The following SH3GL1 variants were observed in gnomAD, a reference collection of about 807,000 sequenced individuals.
The protein encoded by SH3GL1 is SH3 domain containing GRB2 like 1, endophilin A2.
A neutral mutation model predicts 48.8 loss-of-function variants in SH3GL1; 21 were observed. The ratio of observed to expected loss-of-function variants is 0.43; its 90% CI spans 0.30 to 0.62. SH3GL1 has a LOEUF of 0.62. Among genes scored for constraint, SH3GL1 ranks in the 20% least tolerant of loss-of-function variants. The pLI, the probability that SH3GL1 is intolerant of heterozygous loss-of-function variation, is 0.11. For synonymous variants in SH3GL1, 282 were observed against 217.5 expected, an observed-to-expected ratio of 1.30 and a Z score of -2.61; for missense variants, 454 against 503.0, an observed-to-expected ratio of 0.90 and a Z score of 0.93.
At chr19:4,384,241 G>C (rs1243923665) in intron 1 of SH3GL1, among the ~76,000 whole-genome samples, 1 of 152,180 alleles carries the variant, frequency 6.6e-6, no homozygotes, top group Non-Finnish European at 1.5e-5. Context: ...TGGCGCAGGA[G>C]CCCCCCAGTT....
Position 4,400,316 on chromosome 19 carries a change from G to C in SH3GL1, c.45+8C>G. On this transcript the variant is annotated splice_region_variant and intron_variant, in intron 1 of 9. Transcript: ENST00000269886. This position sits in a 1 kb window ranked among gnomAD's most constrained non-coding sequence, Gnocchi z 4.1. ...CGGTACTCGGCTCCCGCCTGGGCCT[G>C]CGCTCACCTGGCTCGCCTTGTAGAA... is the stretch of plus-strand genomic sequence containing the variant. The C allele has an allele frequency of 1.3e-6, 2 of 1,599,032 alleles. No homozygotes were observed. Among genetic ancestry groups the C allele is most frequent in the Non-Finnish European group, 1.7e-6 (2 of 1,175,798 alleles).
chr19:4,367,072 C>T lies in SH3GL1; in HGVS notation c.46-78G>A. 3.0e-6 allele frequency: 4 copies of T among 1,313,804 alleles called. No homozygotes were observed. 81.4% of individuals were successfully genotyped at this position (1,313,804 alleles called of 1,614,324 possible). ...AGGACAGGAGGCCCTGAGCCGCCTTCCAGCCACATCGCATCCACAGCTGGA... is the reference window on the plus strand; with the variant it reads ...AGGACAGGAGGCCCTGAGCCGCCTTTCAGCCACATCGCATCCACAGCTGGA... On this transcript the variant is annotated intron_variant, in intron 1 of 9. Coordinates refer to ENST00000269886, the MANE Select transcript of SH3GL1 (RefSeq NM_003025.4). The surrounding 1 kb of genome is among the most constrained non-coding windows in gnomAD (Gnocchi z 4.2).
At chr19:4,374,861 G>A (rs1315477887) in intron 1 of SH3GL1, among the ~76,000 whole-genome samples, 1 of 152,154 alleles carries the variant, frequency 6.6e-6, no homozygotes, top group Non-Finnish European at 1.5e-5. Context: ...TGCGCCTGGT[G>A]GCCGTATGGG....
Position 4,362,716 on chromosome 19 carries a change from C to T in SH3GL1, c.749G>A (p.Arg250His), listed in dbSNP as rs1160920956. ...CTTGGGCTTATACTCCCGCTTAGGG[C>T]GTGAGGAAGCTTCCCGCATCCTGTG... ...LKRRMREASSRPKREYKPKPR... is the reference protein window; with the variant it reads ...LKRRMREASSHPKREYKPKPR... The change falls in exon 8 of 10, where the codon CGC becomes CAC. Residue 250 changes from arginine to histidine, a missense_variant. Physicochemically the swap from Arg to His is conservative, Grantham distance 29. Transcript: ENST00000269886. The T allele has an allele frequency of 8.1e-6, 13 of 1,613,884 alleles. No homozygotes were observed. In the African/African-American group the frequency reaches 1.1e-4, roughly 13 times the overall value.
intron 2 of SH3GL1, 98 bp from the exon 3 acceptor site, chr19:4,366,671 A>G (rs1972787865): frequency 8.4e-7 from 1 of 1,185,558 alleles, no homozygotes; most frequent in Admixed American, 1.9e-5. Flanking sequence ...AAGAGCCCAT[A>G]CCAGGACCCC....
In SH3GL1 at chr19:4,399,319, CAAAAAAAAA is replaced by C. The variant is rs58263818; in HGVS notation, c.45+996_45+1004del. Among the ~76,000 whole-genome samples the C allele has an allele frequency of 2.2e-4, 11 of 49,624 alleles. No individual in the cohort carries two copies. In the Admixed American group the frequency reaches 2.6e-3, roughly 12 times the overall value. The allele number at this position is 49,624 out of a possible 152,430, so 32.6% of individuals were successfully genotyped here. On this transcript the variant is annotated intron_variant, in intron 1 of 9. Coordinates refer to ENST00000269886, the MANE Select transcript of SH3GL1 (RefSeq NM_003025.4). ...GGGGCGACAGAGCATGACTCCCTCTCAAAAAAAAAAAAAAAAAAAAAAATCCAAGAAGTG... is the reference window on the plus strand; with the variant it reads ...GGGGCGACAGAGCATGACTCCCTCTCAAAAAAAAAAAAAATCCAAGAAGTG...
chr19:4,364,898 G>A lies in SH3GL1; in HGVS notation c.331+584C>T, dbSNP rs867289003. ...TGTGTGTGTGTGTGTGTGTGTGTGT[G>A]TATATATATATATATATATTTTTTT... On this transcript the variant is annotated intron_variant, in intron 4 of 9. Coordinates refer to ENST00000269886, the MANE Select transcript of SH3GL1 (RefSeq NM_003025.4). Among the ~76,000 whole-genome samples, 470 of 96,018 alleles carry A rather than the reference G, an allele frequency of 4.9e-3. 1 individual carries two copies. Among genetic ancestry groups the A allele is most frequent in the African/African-American group, 0.012 (325 of 26,808 alleles). 63.0% of individuals were successfully genotyped at this position (96,018 alleles called of 152,430 possible).
intron 1 of SH3GL1, among the ~76,000 whole-genome samples, chr19:4,368,423 G>A (rs1206860720): frequency 2.6e-5 from 4 of 152,198 alleles, no homozygotes; most frequent in Non-Finnish European, 5.9e-5. Flanking sequence ...GCCCATGCCT[G>A]GAGGTCACAG....
intron 1 of SH3GL1, among the ~76,000 whole-genome samples, chr19:4,373,832 G>A (rs112651676): frequency 0.012 from 1,753 of 152,348 alleles, 33 homozygotes; most frequent in African/African-American, 0.04. Flanking sequence ...TTCCTGGCCA[G>A]AGGTGTGGCT....
At chr19:4,378,401 C>T (rs568174501) in intron 1 of SH3GL1, among the ~76,000 whole-genome samples, 23 of 152,158 alleles carry the variant, frequency 1.5e-4, no homozygotes, top group Non-Finnish European at 2.9e-4. Flanking sequence ...CCATCTCAGG[C>T]GTGGATGTGC....
At chr19:4,361,888 G>T in intron 9 of SH3GL1, 92 bp from the exon 10 acceptor site, 1 of 917,752 alleles carries the variant, frequency 1.1e-6, no homozygotes, top group Non-Finnish European at 1.7e-6. Flanking sequence ...GGAGCGTGTG[G>T]GTGGGCATGG....
chr19:4,366,874 G>A, intron 2 of SH3GL1, 52 bp downstream of exon 2: 1 of 1,568,126 alleles, frequency 6.4e-7, no homozygotes, highest in Middle Eastern at 1.9e-4. Flanking sequence ...CCCGGCAGAG[G>A]TCAGGCCCCA....
At chr19:4,398,825 C>G (rs243413) in intron 1 of SH3GL1, among the ~76,000 whole-genome samples, 49,839 of 152,006 alleles carry the variant, frequency 0.33, 8,648 homozygotes, top group East Asian at 0.59. Flanking sequence ...ATCAAATGCA[C>G]TTAGGCTGGG....
intron 3 of SH3GL1, among the ~76,000 whole-genome samples, 187 bp downstream of exon 3, chr19:4,366,310 CAGAG>C (rs1208478273): frequency 1.3e-5 from 2 of 152,170 alleles, no homozygotes; most frequent in Admixed American, 6.5e-5. Context: ...GTGAAGCCAA[CAGAG>C]GGGCTGAGCT....
intron 2 of SH3GL1, 76 bp from the exon 3 acceptor site, chr19:4,366,649 G>GC: frequency 2.9e-6 from 4 of 1,362,034 alleles, no homozygotes; most frequent in African/African-American, 1.4e-5. Context: ...CTGCTGCACC[G>GC]CCTCCTGCCC....
chr19:4,371,649 A>G (rs942013052), intron 1 of SH3GL1, among the ~76,000 whole-genome samples: 1 of 152,192 alleles, frequency 6.6e-6, no homozygotes, highest in African/African-American at 2.4e-5. Flanking sequence ...ATTTGCCCGC[A>G]GAGGGGTCGG....
chr19:4,399,061 G>A (rs898153354), intron 1 of SH3GL1, among the ~76,000 whole-genome samples: 2 of 152,118 alleles, frequency 1.3e-5, no homozygotes, highest in Non-Finnish European at 2.9e-5. Flanking sequence ...GGCTTACGTC[G>A]ATAATCCCAG....
intron 1 of SH3GL1, among the ~76,000 whole-genome samples, chr19:4,396,225 C>T (rs902884456): frequency 2.0e-5 from 3 of 151,954 alleles, no homozygotes; most frequent in Non-Finnish European, 2.9e-5. Flanking sequence ...GGTGAAACCC[C>T]GTCTCTACTA....
rs1972601535 is a variant in SH3GL1, at chr19:4,361,261, G to A, written c.*339C>T. 1 of 376,282 alleles carries A rather than the reference G, an allele frequency of 2.7e-6. No homozygotes were observed. The highest frequency in any genetic ancestry group is 4.3e-5 in the Admixed American group (1 of 23,352). 23.3% of individuals were successfully genotyped at this position (376,282 alleles called of 1,614,324 possible). ...GGACGGAGGTGGGGGCTGCCCCAGA[G>A]GAACATTAGTGTTTCTAAGAGCACC... On this transcript the variant is annotated 3_prime_UTR_variant, in exon 10 of 10. Coordinates refer to ENST00000269886, the MANE Select transcript of SH3GL1 (RefSeq NM_003025.4).
Sources: allele counts gnomAD v4.1 joint callset (sites outside exome capture counted in the v4.1 genomes callset), GRCh38; gene constraint gnomAD v4.1.1; non-coding constraint Gnocchi (gnomAD v3.1); transcripts MANE v1.5; gene names NCBI Gene and HGNC (gene_info 2026-07-23, HGNC 2026-07-21).